JPT1: variants seen among roughly 807,000 people sequenced by gnomAD.
JPT1 encodes the protein androgen-regulated protein 2.
In JPT1, 5 loss-of-function variants were observed where a neutral mutation model predicts 17.0. The ratio of observed to expected loss-of-function variants is 0.29; its 90% CI spans 0.15 to 0.62. The LOEUF (loss-of-function observed/expected upper bound fraction) is 0.62. Ranked by LOEUF, JPT1 falls within the 20% of genes least tolerant of loss-of-function variation. The pLI is 0.85. For missense variants in JPT1, 158 were observed against 188.1 expected, an observed-to-expected ratio of 0.84 and a Z score of 0.94; for synonymous variants, 71 against 73.6, an observed-to-expected ratio of 0.96 and a Z score of 0.18.
At chr17:75,139,991 G>T (rs1463072174) in intron 4 of JPT1, among the ~76,000 whole-genome samples, 1 of 151,896 alleles carries the variant, frequency 6.6e-6, no homozygotes, top group South Asian at 2.1e-4. Flanking sequence ...GTGCAGTGGC[G>T]CAATCTATCT....
Position 75,146,677 on chromosome 17 carries a change from CCTT to C in JPT1, c.302_304del (p.Glu101del), listed in dbSNP as rs2074442295. ...TCAGAAGTACTTACCATGAATATCA[CCTT>C]CTCCCTAGAAAAGAAAAAAATTCAA... On this transcript the variant is annotated inframe_deletion, in exon 4 of 5. Transcript: ENST00000409753. The C allele has an allele frequency of 1.3e-6, 2 of 1,541,136 alleles. No homozygotes were observed. The highest frequency in any genetic ancestry group is 1.8e-6 in the Non-Finnish European group (2 of 1,136,236).
In JPT1 at chr17:75,137,685, CTTTTTTTTTTTT is replaced by C. The variant is rs60118585; in HGVS notation, c.317-1447_317-1436del. 5.3e-5 allele frequency among the ~76,000 whole-genome samples: 6 copies of C among 112,846 alleles called. No homozygotes were observed. In the East Asian group the frequency reaches 1.1e-3, roughly 20 times the overall value. 74.0% of individuals were successfully genotyped at this position (112,846 alleles called of 152,430 possible). On this transcript the variant is annotated intron_variant, in intron 4 of 4. Transcript: ENST00000409753. ...TCACCCTTCACACAGCCTAGTTTTC[CTTTTTTTTTTTT>C]TTTTTTTTTTTTTTTGAGACAGGGT...
At chr17:75,148,504 C>A (rs746739069) in intron 2 of JPT1, 25 bp downstream of exon 2, 4 of 1,613,158 alleles carry the variant, frequency 2.5e-6, no homozygotes, top group Non-Finnish European at 3.4e-6. Flanking sequence ...TCCCTTTGAA[C>A]AGTGAGCACA....
intron 4 of JPT1, among the ~76,000 whole-genome samples, chr17:75,140,111 T>C (rs2074279824): frequency 1.3e-5 from 2 of 151,970 alleles, no homozygotes; most frequent in African/African-American, 4.8e-5. Flanking sequence ...AGAGACGGGC[T>C]TTCACCATGT....
At chr17:75,148,954 G>A in intron 1 of JPT1, 1 of 1,186,462 alleles carries the variant, frequency 8.4e-7, no homozygotes, top group South Asian at 1.6e-5. Flanking sequence ...CCTGGTTGGT[G>A]TCCCCTTTTC....
chr17:75,136,993 ACTT>A (rs780793354), intron 4 of JPT1, among the ~76,000 whole-genome samples: 6 of 152,132 alleles, frequency 3.9e-5, no homozygotes, highest in African/African-American at 7.2e-5. Context: ...AATGGTATCA[ACTT>A]CTTTTTTTCA....
chr17:75,142,687 A>T, intron 4 of JPT1: 1 of 366,954 alleles, frequency 2.7e-6, no homozygotes, highest in Non-Finnish European at 5.2e-6. Context: ...GGAAGGGATG[A>T]GAAGGGAGGG....
In JPT1 at chr17:75,147,670, ACTTT is replaced by A. The variant is rs1568035026; in HGVS notation, c.200-21_200-18del. ...ACTTGGCACCTAAAAATCAAAATAT[ACTTT>A]CTTCAGAAATACAATAGAAAAAACC... On this transcript the variant is annotated intron_variant, in intron 2 of 4. Transcript: ENST00000409753. 6.3e-7 allele frequency: 1 copy of A among 1,588,112 alleles called. No individual in the cohort carries two copies. Among genetic ancestry groups the A allele is most frequent in the Admixed American group, 1.7e-5 (1 of 59,956 alleles).
intron 4 of JPT1, among the ~76,000 whole-genome samples, chr17:75,142,383 A>T (rs2074330924): frequency 6.6e-6 from 1 of 150,786 alleles, no homozygotes; most frequent in African/African-American, 2.4e-5. Flanking sequence ...AACATGTTGA[A>T]ACTCTGTCTC....
chr17:75,154,323 C>T lies in JPT1; in HGVS notation c.56+19G>A. ...GCCCCTCAGCCCCGCGCGGCTCGGGCGCGACCCGGTCGCCTCACCGGGAGC... is the reference window on the plus strand; with the variant it reads ...GCCCCTCAGCCCCGCGCGGCTCGGGTGCGACCCGGTCGCCTCACCGGGAGC... On this transcript the variant is annotated intron_variant, in intron 1 of 4. Transcript: ENST00000409753. The T allele has an allele frequency of 3.9e-6, 6 of 1,539,338 alleles. No homozygotes were observed. The highest frequency in any genetic ancestry group is 2.0e-5 in the Admixed American group (1 of 50,584).
intron 1 of JPT1, among the ~76,000 whole-genome samples, chr17:75,149,391 G>T (rs560228427): frequency 6.6e-6 from 1 of 151,846 alleles, no homozygotes; most frequent in East Asian, 1.9e-4. Flanking sequence ...TTTTTGAGAC[G>T]GAGTCTCCCT....
Position 75,148,688 on chromosome 17 carries a change from A to T in JPT1, c.57-17T>A. On this transcript the variant is annotated splice_polypyrimidine_tract_variant and intron_variant, in intron 1 of 4. Coordinates refer to ENST00000409753, the MANE Select transcript of JPT1 (RefSeq NM_016185.4). ...CGCAAAACTCTGCAAATAATGGCAA[A>T]ACATCAACTTCAGATCATACTGAAA... 6.2e-7 allele frequency: 1 copy of T among 1,613,392 alleles called. No individual in the cohort carries two copies. The highest frequency in any genetic ancestry group is 1.3e-5 in the African/African-American group (1 of 74,994).
Position 75,135,777 on chromosome 17 carries a change from C to A in JPT1, c.*325G>T. ...GTCTGTCCAGTTGAGGCTTGGTAAA[C>A]CCAAGTAAAGTGTTAAAAACCTCAG... is the stretch of plus-strand genomic sequence containing the variant. On this transcript the variant is annotated 3_prime_UTR_variant, in exon 5 of 5. Coordinates refer to ENST00000409753, the MANE Select transcript of JPT1 (RefSeq NM_016185.4). 1 of 481,976 alleles carries A rather than the reference C, an allele frequency of 2.1e-6. No homozygotes were observed. The highest frequency in any genetic ancestry group is 3.7e-6 in the Non-Finnish European group (1 of 270,652). The allele number at this position is 481,976 out of a possible 1,614,324, so 29.9% of individuals were successfully genotyped here.
chr17:75,142,764 CTCCAGAAGTCTT>C (rs1193052267), intron 4 of JPT1: 4 of 455,990 alleles, frequency 8.8e-6, no homozygotes, highest in Non-Finnish European at 1.3e-5. Context: ...TAGATTTTAC[CTCCAGAAGTCTT>C]TCCAGAACAG....
At chr17:75,143,801 A>G (rs2074371860) in intron 4 of JPT1, among the ~76,000 whole-genome samples, 1 of 151,878 alleles carries the variant, frequency 6.6e-6, no homozygotes, top group Non-Finnish European at 1.5e-5. Flanking sequence ...GCACCACTGC[A>G]CTCCAGCCTG....
At chr17:75,152,973 T>TC (rs2074577082) in intron 1 of JPT1, 1 of 152,178 alleles carries the variant, frequency 6.6e-6, no homozygotes, top group Admixed American at 6.6e-5. Flanking sequence ...CATGCTTTCC[T>TC]CCTAAGGCTC....
intron 4 of JPT1, among the ~76,000 whole-genome samples, chr17:75,137,463 C>T (rs1289691184): frequency 6.6e-6 from 1 of 151,762 alleles, no homozygotes; most frequent in African/African-American, 2.4e-5. Context: ...CTCAAGCAAT[C>T]CTCCTATATC....
At chr17:75,138,902 T>A (rs1269438757) in intron 4 of JPT1, among the ~76,000 whole-genome samples, 2 of 152,200 alleles carry the variant, frequency 1.3e-5, no homozygotes. Context: ...TCTGGAACAT[T>A]CTATGGGAGT....
Position 75,142,885 on chromosome 17 carries a change from T to TAC in JPT1, c.316+3779_316+3780dup, listed in dbSNP as rs79949682. The TAC allele has an allele frequency of 7.4e-4, 281 of 379,852 alleles. 1 individual carries two copies. The highest frequency in any genetic ancestry group is 3.0e-3 in the African/African-American group (143 of 47,352). The allele number at this position is 379,852 out of a possible 1,614,324, so 23.5% of individuals were successfully genotyped here. On this transcript the variant is annotated intron_variant, in intron 4 of 4. Transcript: ENST00000409753. ...TATGATATACATACGTATATGAAAA[T>TAC]ACACACACACACACACAAAATCTGT...
Sources: gnomAD v4.1 joint callset for allele counts (sites outside exome capture counted in the v4.1 genomes callset) on GRCh38, gnomAD v4.1.1 for gene constraint, MANE v1.5 for transcripts, NCBI Gene and HGNC (gene_info 2026-07-23, HGNC 2026-07-21) for gene names.